Variants in SESTD1 observed in about 807,000 individuals in gnomAD.
SESTD1 encodes SEC14 and spectrin domain containing 1, also known as SEC14 domain and spectrin repeat-containing protein 1.
In SESTD1, 43 loss-of-function variants were observed where a neutral mutation model predicts 101.7. The observed-to-expected ratio is 0.42, with a 90% CI of 0.33 to 0.55. SESTD1 has a LOEUF of 0.55. SESTD1 is among the 20% of genes least tolerant of loss of function. The probability of loss-of-function intolerance (pLI) is 0.07; values close to 1 mark genes in which losing one functional copy is unlikely to be tolerated. For synonymous variants in SESTD1, 283 were observed against 286.8 expected (o/e 0.99, Z 0.13); for missense variants, 647 against 815.1 (o/e 0.79, Z 2.51).
chr2:179,256,514 A>G (rs2047395745), intron 1 of SESTD1, among the ~76,000 whole-genome samples: 1 of 152,210 alleles, frequency 6.6e-6, no homozygotes. Flanking sequence ...ATCTCAAGAT[A>G]AAACTTTAAC....
rs7566810 is a variant in SESTD1 at position 179,106,583 on chromosome 2, C to G, written c.*3316G>C. 2 of 152,052 alleles carry G rather than the reference C, an allele frequency of 1.3e-5. No homozygotes were observed. Among genetic ancestry groups the G allele is most frequent in the Admixed American group, 1.3e-4 (2 of 15,260 alleles). The allele number at this position is 152,052 out of a possible 1,614,324, so 9.4% of individuals were successfully genotyped here. Reference sequence around the variant, plus strand: ...GAGTACGACACTAATAATACCACTCCGTATGTCAGCTAATAAGATAACGAA... The same window carrying G: ...GAGTACGACACTAATAATACCACTCGGTATGTCAGCTAATAAGATAACGAA... On this transcript the variant is annotated 3_prime_UTR_variant, in exon 18 of 18. Coordinates refer to ENST00000428443, the MANE Select transcript of SESTD1 (RefSeq NM_178123.5).
chr2:179,170,190 C>T (rs1191999654), intron 5 of SESTD1, among the ~76,000 whole-genome samples: 1 of 150,802 alleles, frequency 6.6e-6, no homozygotes, highest in Non-Finnish European at 1.5e-5. Flanking sequence ...AACTGTTTCT[C>T]CACCTGTGAA....
rs2046498222 is a variant in SESTD1, at chr2:179,200,835, G to C, written c.-25-8969C>G. Among the ~76,000 whole-genome samples, 4 of 134,128 alleles carry C rather than the reference G, an allele frequency of 3.0e-5. 1 individual carries two copies. The highest frequency in any genetic ancestry group is 6.4e-5 in the Non-Finnish European group (4 of 62,674). The allele number at this position is 134,128 out of a possible 152,430, so 88.0% of individuals were successfully genotyped here. ...ATAAAAACCCTAGAAGAAAACCTAG[G>C]CATTACCATTCAGGACATAGGCATG... is the stretch of plus-strand genomic sequence containing the variant. On this transcript the variant is annotated intron_variant, in intron 1 of 17. Coordinates refer to ENST00000428443, the MANE Select transcript of SESTD1 (RefSeq NM_178123.5).
intron 7 of SESTD1, among the ~76,000 whole-genome samples, chr2:179,147,652 G>A (rs2045425856): frequency 1.3e-5 from 2 of 152,142 alleles, no homozygotes; most frequent in Middle Eastern, 3.4e-3. Context: ...GAGCCACCGC[G>A]CCCAGCCTGA....
At chr2:179,168,760 T>C (rs1042563139) in intron 5 of SESTD1, among the ~76,000 whole-genome samples, 1 of 152,156 alleles carries the variant, frequency 6.6e-6, no homozygotes, top group African/African-American at 2.4e-5. Flanking sequence ...ATTTAAAATT[T>C]TTAATTGCTG....
At chr2:179,135,265 A>G (rs1311583536) in intron 9 of SESTD1, among the ~76,000 whole-genome samples, 2 of 152,088 alleles carry the variant, frequency 1.3e-5, no homozygotes, top group Non-Finnish European at 2.9e-5. Context: ...TTGTTTTTAA[A>G]ATACTTCTGC....
chr2:179,259,561 C>T (rs1464603229), intron 1 of SESTD1, among the ~76,000 whole-genome samples: 1 of 152,074 alleles, frequency 6.6e-6, no homozygotes, highest in Non-Finnish European at 1.5e-5. Flanking sequence ...GTAAGGAAAA[C>T]AGAAGGATCT....
At chr2:179,233,054 C>CA (rs1297708681) in intron 1 of SESTD1, among the ~76,000 whole-genome samples, 2 of 151,850 alleles carry the variant, frequency 1.3e-5, no homozygotes, top group Non-Finnish European at 2.9e-5. Flanking sequence ...GATGAGAAAG[C>CA]AAAAAAATTC....
chr2:179,121,748 GTAAT>G lies in SESTD1; in HGVS notation c.1442+18_1442+21del. The G allele has an allele frequency of 6.5e-7, 1 of 1,540,360 alleles. No individual in the cohort carries two copies. The highest frequency in any genetic ancestry group is 2.3e-5 in the East Asian group (1 of 42,822). On this transcript the variant is annotated intron_variant, in intron 13 of 17. Transcript: ENST00000428443. ...AATATTGTTATTATTTTAGTAAAAA[GTAAT>G]TAACGGTCAAACTTTGCCTTTGTTT... is the stretch of plus-strand genomic sequence containing the variant.
intron 2 of SESTD1, among the ~76,000 whole-genome samples, chr2:179,186,317 T>C (rs908845911): frequency 1.3e-5 from 2 of 152,076 alleles, no homozygotes; most frequent in Admixed American, 6.6e-5. Context: ...GTACCATACA[T>C]ACATGCTCCC....
chr2:179,225,058 GA>G (rs1290157791), intron 1 of SESTD1, among the ~76,000 whole-genome samples: 1 of 152,176 alleles, frequency 6.6e-6, no homozygotes, highest in Non-Finnish European at 1.5e-5. Flanking sequence ...ATCTGAAGTA[GA>G]AGGGTAGTCT....
rs1484897564 is a variant in SESTD1 at position 179,206,795 on chromosome 2, C to A, written c.-25-14929G>T. On this transcript the variant is annotated intron_variant, in intron 1 of 17. Transcript: ENST00000428443. ...CCTGCTTGTTTTCTCAATGTGAAGG[C>A]TTGTACCTGAGGGCAAGACCCTAGC... Among the ~76,000 whole-genome samples the A allele has an allele frequency of 1.5e-5, 2 of 134,014 alleles. 1 individual carries two copies. Among genetic ancestry groups the A allele is most frequent in the Non-Finnish European group, 3.2e-5 (2 of 62,580 alleles). 87.9% of individuals were successfully genotyped at this position (134,014 alleles called of 152,430 possible).
At position 179,191,875 on chromosome 2, in the gene SESTD1, A is replaced by G; in HGVS notation, c.-25-9T>C. Reference sequence around the variant, plus strand: ...AGTGAACTTCCTTAATTCTGAAAACACAGAAAGTCAAATGTCAACTACAAG... The same window carrying G: ...AGTGAACTTCCTTAATTCTGAAAACGCAGAAAGTCAAATGTCAACTACAAG... On this transcript the variant is annotated splice_polypyrimidine_tract_variant and intron_variant, in intron 1 of 17. Transcript: ENST00000428443. 6.4e-7 allele frequency: 1 copy of G among 1,551,786 alleles called. No individual in the cohort carries two copies. Among genetic ancestry groups the G allele is most frequent in the Non-Finnish European group, 8.9e-7 (1 of 1,128,278 alleles).
In SESTD1 at chr2:179,109,854, A is replaced by G. The variant is rs1459327213; in HGVS notation, c.*45T>C. 6 of 1,605,998 alleles carry G rather than the reference A, an allele frequency of 3.7e-6. No individual in the cohort carries two copies. Among genetic ancestry groups the G allele is most frequent in the East Asian group, 2.2e-5 (1 of 44,804 alleles). On this transcript the variant is annotated 3_prime_UTR_variant, in exon 18 of 18. Transcript: ENST00000428443. ...TGGCTAATGCTGTAGTATGTTGACA[A>G]CATGCGGGATTATGAACTGCAAATC... is the stretch of plus-strand genomic sequence containing the variant.
intron 2 of SESTD1, among the ~76,000 whole-genome samples, chr2:179,188,671 C>T (rs1455588236): frequency 6.6e-6 from 1 of 151,718 alleles, no homozygotes; most frequent in Non-Finnish European, 1.5e-5. Flanking sequence ...GCTGACAACA[C>T]CAAATGATAC....
In SESTD1 at chr2:179,208,562, C is replaced by T. The variant is rs747841566; in HGVS notation, c.-25-16696G>A. Among the ~76,000 whole-genome samples, 4 of 135,096 alleles carry T rather than the reference C, an allele frequency of 3.0e-5. 1 individual carries two copies. The highest frequency in any genetic ancestry group is 6.4e-5 in the Non-Finnish European group (4 of 62,778). 88.6% of individuals were successfully genotyped at this position (135,096 alleles called of 152,430 possible). A position where few individuals can be genotyped will look rare whatever the true frequency, so the allele number is the denominator to read the frequency against. ...CTGCAAGCCAGAAGGGATTGGGGTC[C>T]TATCTTTAGCCTCCTTAATCAAAAT... On this transcript the variant is annotated intron_variant, in intron 1 of 17. Transcript: ENST00000428443.
At chr2:179,229,211 G>A (rs1267662015) in intron 1 of SESTD1, among the ~76,000 whole-genome samples, 1 of 152,082 alleles carries the variant, frequency 6.6e-6, no homozygotes, top group African/African-American at 2.4e-5. Context: ...CGGAAAAGAC[G>A]AGCATTTGAA....
chr2:179,174,881 G>C (rs1042413505), intron 4 of SESTD1, among the ~76,000 whole-genome samples: 1 of 151,610 alleles, frequency 6.6e-6, no homozygotes, highest in Non-Finnish European at 1.5e-5. Context: ...CCCAGGAGCT[G>C]GAGGCTTCAG....
At chr2:179,250,169 C>A (rs965997166) in intron 1 of SESTD1, among the ~76,000 whole-genome samples, 7 of 151,586 alleles carry the variant, frequency 4.6e-5, no homozygotes, top group African/African-American at 1.7e-4. Context: ...GGCTTGAAAC[C>A]CAACAGTTAA....
Sources: allele counts gnomAD v4.1 joint callset (sites outside exome capture counted in the v4.1 genomes callset), GRCh38; gene constraint gnomAD v4.1.1; transcripts MANE v1.5; gene names NCBI Gene and HGNC (gene_info 2026-07-23, HGNC 2026-07-21).